BICD1: variants seen among roughly 807,000 people sequenced by gnomAD.
The protein encoded by BICD1 is BICD cargo adaptor 1.
Under a neutral mutation model 92.5 loss-of-function variants are expected in BICD1, and 35 were observed. That is an observed-to-expected ratio of 0.38 (90% CI 0.29 to 0.50). The LOEUF (loss-of-function observed/expected upper bound fraction) is 0.50, where lower values mean the gene tolerates loss of function less well. Among genes scored for constraint, BICD1 ranks in the 20% least tolerant of loss-of-function variants. The pLI is 0.93. For synonymous variants in BICD1, 429 were observed against 465.1 expected (o/e 0.92, Z 1.00); for missense variants, 950 against 1,189.8 (o/e 0.80, Z 2.97).
chr12:32,288,293 A>C (rs1408938336), intron 2 of BICD1, among the ~76,000 whole-genome samples: 1 of 139,806 alleles, frequency 7.2e-6, no homozygotes, highest in Non-Finnish European at 1.5e-5. Context: ...GTGTAGTGGC[A>C]TGATCATGGC....
At chr12:32,201,838 TAGTCAGA>T in intron 1 of BICD1, among the ~76,000 whole-genome samples, 1 of 152,206 alleles carries the variant, frequency 6.6e-6, no homozygotes, top group Non-Finnish European at 1.5e-5. Context: ...CGGGTTATAA[TAGTCAGA>T]AAATGTGTGC....
chr12:32,356,515 T>A (rs1486140692), intron 8 of BICD1, among the ~76,000 whole-genome samples: 1 of 151,904 alleles, frequency 6.6e-6, no homozygotes, highest in East Asian at 1.9e-4. Flanking sequence ...TAGCTGGGCG[T>A]AGTGGCACTG....
At chr12:32,144,807 C>T (rs1328511550) in intron 1 of BICD1, among the ~76,000 whole-genome samples, 1 of 152,232 alleles carries the variant, frequency 6.6e-6, no homozygotes, top group Admixed American at 6.5e-5. Context: ...TTCTCTTCCT[C>T]ACTTTTCTGA....
intron 8 of BICD1, among the ~76,000 whole-genome samples, chr12:32,346,552 A>ATATATACGTG (rs1938584740): frequency 3.5e-5 from 1 of 28,276 alleles, no homozygotes; most frequent in African/African-American, 2.5e-4. Context: ...ATATATATAT[A>ATATATACGTG]TATATATATA....
chr12:32,264,634 C>T (rs779500774), intron 2 of BICD1, among the ~76,000 whole-genome samples: 4 of 152,012 alleles, frequency 2.6e-5, no homozygotes, highest in Non-Finnish European at 5.9e-5. Flanking sequence ...ACTACAGGCA[C>T]GTGCCACCAC....
At chr12:32,237,223 A>G (rs531176290) in intron 2 of BICD1, among the ~76,000 whole-genome samples, 27 of 152,110 alleles carry the variant, frequency 1.8e-4, no homozygotes, top group African/African-American at 6.5e-4. Flanking sequence ...CCTTCAATTC[A>G]CTGAAGGCTG....
In BICD1 at chr12:32,360,036, T is replaced by G. The variant is rs543360534; in HGVS notation, c.2765-7634T>G. On this transcript the variant is annotated intron_variant, in intron 8 of 9. Transcript: ENST00000652176. ...CCGTCTCTACTAAAAATACAAAAAA[T>G]TAGCCAGGCGTGGTGGTGGGTGCCT... Among the ~76,000 whole-genome samples the G allele has an allele frequency of 4.7e-4, 71 of 152,038 alleles. No individual in the cohort carries two copies. In the East Asian group the frequency reaches 0.012, roughly 27 times the overall value.
chr12:32,289,532 C>T (rs151205122), intron 2 of BICD1, among the ~76,000 whole-genome samples: 9,017 of 152,232 alleles, frequency 0.059, 372 homozygotes, highest in East Asian at 0.21. Flanking sequence ...ACTACAGGCG[C>T]GTGCCACCAC....
At chr12:32,329,311 G>A (rs928383955) in intron 5 of BICD1, among the ~76,000 whole-genome samples, 2 of 151,914 alleles carry the variant, frequency 1.3e-5, no homozygotes, top group African/African-American at 4.8e-5. Flanking sequence ...TGTCTAGGCT[G>A]GTCTCGAACT....
intron 2 of BICD1, among the ~76,000 whole-genome samples, chr12:32,253,130 G>A (rs1307165120): frequency 2.6e-5 from 4 of 152,224 alleles, no homozygotes; most frequent in East Asian, 3.9e-4. Flanking sequence ...CAGTCGGCCC[G>A]CCTTGGCCTC....
chr12:32,306,212 T>C (rs1948211873), intron 4 of BICD1, 90 bp downstream of exon 4: 1 of 1,244,252 alleles, frequency 8.0e-7, no homozygotes, highest in African/African-American at 1.5e-5. Flanking sequence ...ATTTCACTTC[T>C]AGATTTCTTT....
At chr12:32,367,513 C>T (rs1014367393) in intron 8 of BICD1, 157 bp from the exon 9 acceptor site, 8 of 567,820 alleles carry the variant, frequency 1.4e-5, no homozygotes, top group Admixed American at 6.4e-5. Flanking sequence ...TTTCTATTGG[C>T]ATCATTCAAG....
intron 8 of BICD1, among the ~76,000 whole-genome samples, chr12:32,346,286 G>A (rs1005430671): frequency 6.6e-6 from 1 of 150,574 alleles, no homozygotes; most frequent in Non-Finnish European, 1.5e-5. Context: ...GGAGGCCGAG[G>A]TGGGTGGATC....
At chr12:32,295,253 T>C (rs1947836737) in intron 3 of BICD1, among the ~76,000 whole-genome samples, 1 of 152,154 alleles carries the variant, frequency 6.6e-6, no homozygotes, top group Non-Finnish European at 1.5e-5. Context: ...TTAATAATTA[T>C]TGAATCTGTA....
chr12:32,204,081 G>T (rs1294430937), intron 1 of BICD1, among the ~76,000 whole-genome samples: 1 of 152,174 alleles, frequency 6.6e-6, no homozygotes. Context: ...GGGCGTGGTG[G>T]CTCACACCTG....
At chr12:32,254,803 C>T (rs998514727) in intron 2 of BICD1, among the ~76,000 whole-genome samples, 42 of 152,322 alleles carry the variant, frequency 2.8e-4, no homozygotes, top group African/African-American at 9.9e-4. Context: ...TATAACCTTG[C>T]TTAAAAAGCA....
In BICD1 at chr12:32,107,463, G is replaced by A. The variant is rs775868819; in HGVS notation, c.132G>A (p.Glu44=). The A allele has an allele frequency of 1.9e-6, 3 of 1,611,116 alleles. No homozygotes were observed. The highest frequency in any genetic ancestry group is 2.5e-6 in the Non-Finnish European group (3 of 1,178,874). ...AAEYGLVVLE[E]KLTLKQQYDE... is the part of the protein sequence containing the mutation. ...AGTACGGGCTGGTGGTGCTGGAGGAGAAGCTGACCCTCAAACAGCAGTATG... is the reference window on the plus strand; with the variant it reads ...AGTACGGGCTGGTGGTGCTGGAGGAAAAGCTGACCCTCAAACAGCAGTATG... Residue 44 remains glutamate (E), a synonymous_variant, in exon 1 of 10, where the codon GAG becomes GAA. Coordinates refer to ENST00000652176, the MANE Select transcript of BICD1 (RefSeq NM_001714.4).
chr12:32,165,255 C>T (rs1943718752), intron 1 of BICD1, among the ~76,000 whole-genome samples: 1 of 152,214 alleles, frequency 6.6e-6, no homozygotes, highest in South Asian at 2.1e-4. Flanking sequence ...GTGGCTCATG[C>T]CTGTAATCCC....
At chr12:32,187,050 T>G (rs1396304062) in intron 1 of BICD1, among the ~76,000 whole-genome samples, 1 of 152,222 alleles carries the variant, frequency 6.6e-6, no homozygotes, top group African/African-American at 2.4e-5. Context: ...GTTTATGGGC[T>G]TAGATTAATC....
Sources: allele counts gnomAD v4.1 joint callset (sites outside exome capture counted in the v4.1 genomes callset), GRCh38; gene constraint gnomAD v4.1.1; transcripts MANE v1.5; gene names NCBI Gene and HGNC (gene_info 2026-07-23, HGNC 2026-07-21).